Variants in NSMCE2 observed in about 807,000 individuals in gnomAD.
NSMCE2 encodes E3 SUMO-protein ligase NSE2.
NSMCE2 carries 24 observed loss-of-function variants against 23.8 expected under a neutral mutation model. The observed-to-expected ratio is 1.01, with a 90% CI of 0.73 to 1.42. NSMCE2 has a LOEUF of 1.42. Ranked by LOEUF, NSMCE2 falls within the 40% of genes most tolerant of loss-of-function variation. NSMCE2 has a pLI of 0.00. For missense variants in NSMCE2, 284 were observed against 296.5 expected (o/e 0.96, Z 0.31); for synonymous variants, 92 against 94.1 (o/e 0.98, Z 0.13).
chr8:125,151,058 T>C (rs1250313532), intron 3 of NSMCE2, 113 bp from the exon 4 acceptor site: 7 of 489,772 alleles, frequency 1.4e-5, no homozygotes, highest in Non-Finnish European at 2.2e-5. Flanking sequence ...AAAGATGTAA[T>C]AGCTCTACAA....
chr8:125,327,287 G>T (rs1212333449), intron 5 of NSMCE2, among the ~76,000 whole-genome samples: 1 of 139,104 alleles, frequency 7.2e-6, no homozygotes, highest in Non-Finnish European at 1.6e-5. Context: ...AAAAAAAAAA[G>T]AGAGAGAAAC....
intron 1 of NSMCE2, among the ~76,000 whole-genome samples, chr8:125,101,410 C>T (rs755764913): frequency 6.6e-6 from 1 of 152,198 alleles, no homozygotes; most frequent in Non-Finnish European, 1.5e-5. Flanking sequence ...ATGGTTATTC[C>T]TTTCCATTTT....
chr8:125,211,941 A>G (rs751809574), intron 5 of NSMCE2, among the ~76,000 whole-genome samples: 2 of 152,160 alleles, frequency 1.3e-5, no homozygotes, highest in East Asian at 1.9e-4. Flanking sequence ...AGTTTCTGAT[A>G]TTCTGTTCCA....
intron 5 of NSMCE2, among the ~76,000 whole-genome samples, chr8:125,286,310 TA>T (rs1827892893): frequency 1.2e-5 from 1 of 86,020 alleles, no homozygotes; most frequent in African/African-American, 3.4e-5. Flanking sequence ...CAATACCTTT[TA>T]TTTATTTTTT....
chr8:125,346,637 C>T (rs151319201), intron 5 of NSMCE2, among the ~76,000 whole-genome samples: 121 of 152,190 alleles, frequency 8.0e-4, no homozygotes, highest in Middle Eastern at 3.4e-3. Flanking sequence ...GCTTGGTGAC[C>T]TAGAGATGAT....
At chr8:125,164,258 A>G (rs1821763203) in intron 4 of NSMCE2, among the ~76,000 whole-genome samples, 1 of 152,180 alleles carries the variant, frequency 6.6e-6, no homozygotes, top group Non-Finnish European at 1.5e-5. Context: ...TCTGAGCCTC[A>G]AGAAGGTTAA....
At chr8:125,114,162 T>A (rs1818888537) in intron 3 of NSMCE2, among the ~76,000 whole-genome samples, 1 of 152,142 alleles carries the variant, frequency 6.6e-6, no homozygotes, top group Admixed American at 6.5e-5. Flanking sequence ...TCAGAATCTC[T>A]TACCCCTTTC....
intron 4 of NSMCE2, among the ~76,000 whole-genome samples, chr8:125,180,615 G>T (rs1465409363): frequency 6.6e-6 from 1 of 152,184 alleles, no homozygotes; most frequent in Non-Finnish European, 1.5e-5. Flanking sequence ...CCAATATCAA[G>T]AATTTTCTGT....
intron 5 of NSMCE2, among the ~76,000 whole-genome samples, chr8:125,188,227 T>C (rs76879212): frequency 0.066 from 10,107 of 152,312 alleles, 487 homozygotes; most frequent in Middle Eastern, 0.28. Flanking sequence ...TATTTTTAGT[T>C]GGTGGCTTTT....
chr8:125,213,311 C>T (rs140347698), intron 5 of NSMCE2, among the ~76,000 whole-genome samples: 51 of 152,256 alleles, frequency 3.3e-4, no homozygotes, highest in Admixed American at 2.7e-3. Context: ...AAACTAGTCA[C>T]ATTATTAATT....
At chr8:125,240,615 A>G (rs189522318) in intron 5 of NSMCE2, among the ~76,000 whole-genome samples, 8 of 152,104 alleles carry the variant, frequency 5.3e-5, no homozygotes, top group African/African-American at 1.9e-4. Context: ...GCAGCCCTTT[A>G]ACTCTTCTTA....
At chr8:125,147,698 G>A (rs879575780) in intron 3 of NSMCE2, among the ~76,000 whole-genome samples, 11 of 152,092 alleles carry the variant, frequency 7.2e-5, no homozygotes, top group Non-Finnish European at 1.3e-4. Context: ...TCAAGTAGCA[G>A]GGAGCCTCTG....
At chr8:125,290,987 A>C (rs1440113022) in intron 5 of NSMCE2, among the ~76,000 whole-genome samples, 1 of 152,238 alleles carries the variant, frequency 6.6e-6, no homozygotes, top group Non-Finnish European at 1.5e-5. Context: ...GTAAATATTC[A>C]GTAAATATTG....
intron 3 of NSMCE2, among the ~76,000 whole-genome samples, chr8:125,127,807 A>G (rs537217316): frequency 6.6e-6 from 1 of 152,310 alleles, no homozygotes; most frequent in East Asian, 1.9e-4. Context: ...CATATACATA[A>G]TGAGATACCT....
At chr8:125,310,676 A>C (rs1354450153) in intron 5 of NSMCE2, among the ~76,000 whole-genome samples, 1 of 152,108 alleles carries the variant, frequency 6.6e-6, no homozygotes, top group African/African-American at 2.4e-5. Flanking sequence ...ATACCATTCC[A>C]ATGAATAAAT....
chr8:125,200,980 T>C (rs1313122292), intron 5 of NSMCE2, among the ~76,000 whole-genome samples: 1 of 152,228 alleles, frequency 6.6e-6, no homozygotes, highest in Non-Finnish European at 1.5e-5. Context: ...AGCTTGTGCA[T>C]GCATCACGAA....
intron 7 of NSMCE2, 25 bp downstream of exon 7, chr8:125,357,843 G>A (rs757996866): frequency 1.1e-5 from 16 of 1,483,994 alleles, no homozygotes; most frequent in Non-Finnish European, 1.1e-5. Flanking sequence ...GGAAGGAAGT[G>A]GAGCCTTCCC....
chr8:125,357,650 G>A (rs1028988683), intron 6 of NSMCE2, 62 bp from the exon 7 acceptor site: 45 of 1,261,434 alleles, frequency 3.6e-5, no homozygotes, highest in Middle Eastern at 1.9e-4. Flanking sequence ...GGACTAGGAC[G>A]AAACAGCTAC....
intron 4 of NSMCE2, among the ~76,000 whole-genome samples, chr8:125,159,025 A>G (rs1006167192): frequency 6.6e-6 from 1 of 152,234 alleles, no homozygotes; most frequent in African/African-American, 2.4e-5. Flanking sequence ...AACAGTTCAA[A>G]TAAATAAATA....
Sources: gnomAD v4.1 joint callset for allele counts (sites outside exome capture counted in the v4.1 genomes callset) on GRCh38, gnomAD v4.1.1 for gene constraint, MANE v1.5 for transcripts, NCBI Gene and HGNC (gene_info 2026-07-23, HGNC 2026-07-21) for gene names.